The following LSAMP variants were observed in gnomAD, a reference collection of about 807,000 sequenced individuals.
LSAMP encodes the protein limbic system-associated membrane protein.
LSAMP carries 7 observed loss-of-function variants against 38.6 expected under a neutral mutation model. That is an observed-to-expected ratio of 0.18 (90% CI 0.10 to 0.34). The LOEUF is 0.34. LSAMP is among the 10% of genes least tolerant of loss of function. The pLI is 1.00. For missense variants in LSAMP, 313 were observed against 420.0 expected, an observed-to-expected ratio of 0.75 and a Z score of 2.23; for synonymous variants, 154 against 166.8, an observed-to-expected ratio of 0.92 and a Z score of 0.59.
intron 2 of LSAMP, among the ~76,000 whole-genome samples, chr3:116,068,962 G>A (rs1707529869): frequency 6.6e-6 from 1 of 152,152 alleles, no homozygotes; most frequent in Non-Finnish European, 1.5e-5. Context: ...GAAAGAACTT[G>A]CTTGTGGATA....
At chr3:115,912,296 T>G (rs1443236327) in intron 3 of LSAMP, among the ~76,000 whole-genome samples, 1 of 152,238 alleles carries the variant, frequency 6.6e-6, no homozygotes, top group Non-Finnish European at 1.5e-5. Context: ...AAGTCTGTGA[T>G]TCATTTGAAG....
chr3:116,043,906 G>T (rs554260652), intron 2 of LSAMP, among the ~76,000 whole-genome samples: 1 of 152,138 alleles, frequency 6.6e-6, no homozygotes, highest in South Asian at 2.1e-4. Flanking sequence ...AGATCGCGCC[G>T]CTGCACTCCC....
intron 1 of LSAMP, among the ~76,000 whole-genome samples, chr3:116,297,935 G>A (rs1280888154): frequency 6.6e-6 from 1 of 152,056 alleles, no homozygotes. Context: ...TCCTCTTCCA[G>A]AATCCACTAA....
intron 1 of LSAMP, among the ~76,000 whole-genome samples, chr3:116,152,102 G>C (rs1329459042): frequency 1.3e-5 from 2 of 152,024 alleles, no homozygotes; most frequent in East Asian, 3.9e-4. Context: ...TTCTGCTTCT[G>C]ATCAGGTCTG....
chr3:115,857,225 A>C (rs1052904740), intron 3 of LSAMP, among the ~76,000 whole-genome samples: 3 of 152,214 alleles, frequency 2.0e-5, no homozygotes, highest in Non-Finnish European at 4.4e-5. Flanking sequence ...ACACCAGCTG[A>C]ATCTTGAGTC....
chr3:115,883,509 A>G (rs1480512693), intron 3 of LSAMP, among the ~76,000 whole-genome samples: 1 of 152,076 alleles, frequency 6.6e-6, no homozygotes, highest in South Asian at 2.1e-4. Context: ...AAAATACGCA[A>G]TAATCACTCT....
chr3:116,005,015 G>T (rs1381510125), intron 3 of LSAMP, among the ~76,000 whole-genome samples: 1 of 152,158 alleles, frequency 6.6e-6, no homozygotes, highest in Non-Finnish European at 1.5e-5. Flanking sequence ...TAATGTGACT[G>T]TTCTAGTGAT....
At chr3:116,241,506 G>A (rs2107638487) in intron 1 of LSAMP, among the ~76,000 whole-genome samples, 1 of 152,200 alleles carries the variant, frequency 6.6e-6, no homozygotes, top group Admixed American at 6.5e-5. Context: ...GGTGGAAGTT[G>A]CAGTGAGCTG....
At chr3:115,880,471 T>C (rs933958447) in intron 3 of LSAMP, among the ~76,000 whole-genome samples, 3 of 152,158 alleles carry the variant, frequency 2.0e-5, no homozygotes, top group Non-Finnish European at 4.4e-5. Flanking sequence ...CCAACAAATA[T>C]AAATATTTGA....
chr3:116,126,985 G>C (rs1016592351), intron 1 of LSAMP, among the ~76,000 whole-genome samples: 1 of 152,022 alleles, frequency 6.6e-6, no homozygotes, highest in African/African-American at 2.4e-5. Context: ...AATCTTTAAG[G>C]CATTTTGTGA....
At chr3:116,107,397 G>A (rs1236887940) in intron 1 of LSAMP, among the ~76,000 whole-genome samples, 3 of 152,202 alleles carry the variant, frequency 2.0e-5, no homozygotes, top group Non-Finnish European at 2.9e-5. Flanking sequence ...AGCAGTGGCA[G>A]CCGCTGCACG....
intron 2 of LSAMP, among the ~76,000 whole-genome samples, chr3:116,050,791 A>G (rs1205834288): frequency 5.9e-5 from 9 of 152,228 alleles, no homozygotes; most frequent in Admixed American, 2.6e-4. Flanking sequence ...AAAGATCCAA[A>G]TATGAGTTGC....
At chr3:116,348,359 C>T (rs919096052) in intron 1 of LSAMP, among the ~76,000 whole-genome samples, 1 of 151,966 alleles carries the variant, frequency 6.6e-6, no homozygotes, top group African/African-American at 2.4e-5. Flanking sequence ...GAACCCATAC[C>T]AAAACAACAG....
chr3:115,865,620 T>C (rs922602193), intron 3 of LSAMP, among the ~76,000 whole-genome samples: 2 of 152,154 alleles, frequency 1.3e-5, no homozygotes, highest in African/African-American at 4.8e-5. Flanking sequence ...ATAATCACAC[T>C]GGAAACTGCT....
At chr3:116,105,402 G>A (rs1708441110) in intron 1 of LSAMP, among the ~76,000 whole-genome samples, 1 of 152,168 alleles carries the variant, frequency 6.6e-6, no homozygotes. Flanking sequence ...GGCTTTGTGT[G>A]AGCAACATGG....
rs1933599009 is a variant in LSAMP, at chr3:115,805,003, G to A, written c.*5314C>T. The A allele has an allele frequency of 6.6e-6, 1 of 152,164 alleles. No homozygotes were observed. Among genetic ancestry groups the A allele is most frequent in the South Asian group, 2.1e-4 (1 of 4,832 alleles). The allele number at this position is 152,164 out of a possible 1,614,324, so 9.4% of individuals were successfully genotyped here. ...GATGGCAAGCTTTCCCACTGCTTTTGTTGAATGGAAAATAAAAACTGAGTA... is the reference window on the plus strand; with the variant it reads ...GATGGCAAGCTTTCCCACTGCTTTTATTGAATGGAAAATAAAAACTGAGTA... On this transcript the variant is annotated 3_prime_UTR_variant, in exon 7 of 7. Coordinates refer to ENST00000490035, the MANE Select transcript of LSAMP (RefSeq NM_002338.5).
In LSAMP at chr3:116,002,476, G is replaced by T. The variant is rs138461786; in HGVS notation, c.514+17039C>A. 9.9e-5 allele frequency among the ~76,000 whole-genome samples: 15 copies of T among 152,276 alleles called. No homozygotes were observed. The East Asian group carries it at 1.9e-3, about 20-fold the overall frequency. ...CAGGCCTTTTGAATGCGCAGTTTTG[G>T]TTGTCTTCCCAGCTGCACCACATAC... On this transcript the variant is annotated intron_variant, in intron 3 of 6. Transcript: ENST00000490035.
intron 1 of LSAMP, among the ~76,000 whole-genome samples, chr3:116,228,718 T>C (rs1698132771): frequency 6.6e-6 from 1 of 152,136 alleles, no homozygotes; most frequent in South Asian, 2.1e-4. Flanking sequence ...CAATTCTAAG[T>C]GTTATCATTT....
intron 1 of LSAMP, among the ~76,000 whole-genome samples, chr3:116,164,785 C>T (rs1710008289): frequency 1.6e-5 from 2 of 121,998 alleles, no homozygotes; most frequent in Admixed American, 9.7e-5. Context: ...CAAGTAGCAT[C>T]TAGCTTAGTA....
Sources: gnomAD v4.1 joint callset for allele counts (sites outside exome capture counted in the v4.1 genomes callset) on GRCh38, gnomAD v4.1.1 for gene constraint, MANE v1.5 for transcripts, NCBI Gene and HGNC (gene_info 2026-07-23, HGNC 2026-07-21) for gene names.